The following TMIGD3 variants were observed in gnomAD, a reference collection of about 807,000 sequenced individuals.
The protein encoded by TMIGD3 is transmembrane and immunoglobulin domain containing 3.
In TMIGD3, 21 loss-of-function variants were observed where a neutral mutation model predicts 28.1. The ratio of observed to expected loss-of-function variants is 0.75; its 90% CI spans 0.53 to 1.08. The LOEUF (loss-of-function observed/expected upper bound fraction) is 1.08. TMIGD3 is among the 50% of genes least tolerant of loss of function. The pLI, the probability that TMIGD3 is intolerant of heterozygous loss-of-function variation, is 0.00. For missense variants in TMIGD3, 416 were observed against 435.6 expected, an observed-to-expected ratio of 0.96 and a Z score of 0.40; for synonymous variants, 151 against 162.1, an observed-to-expected ratio of 0.93 and a Z score of 0.52.
intron 1 of TMIGD3, among the ~76,000 whole-genome samples, chr1:111,517,746 CA>C (rs1655914755): frequency 6.6e-6 from 1 of 152,158 alleles, no homozygotes; most frequent in Non-Finnish European, 1.5e-5. Flanking sequence ...GCACCTTGCC[CA>C]ACAACAAAAA....
chr1:111,489,193 A>T (rs1654537002), intron 2 of TMIGD3, among the ~76,000 whole-genome samples, 169 bp from the exon 3 acceptor site: 1 of 151,982 alleles, frequency 6.6e-6, no homozygotes, highest in South Asian at 2.1e-4. Flanking sequence ...CCCCTTCAAA[A>T]CTCATATGTT....
chr1:111,521,005 TCCCACCCCTTCCCA>T (rs1284556638), intron 1 of TMIGD3, among the ~76,000 whole-genome samples: 2 of 91,960 alleles, frequency 2.2e-5, no homozygotes, highest in African/African-American at 9.1e-5. Flanking sequence ...AATCCCTCCC[TCCCACCCCTTCCCA>T]CCCTATCCCC....
Position 111,557,300 on chromosome 1 carries a change from G to A in TMIGD3, c.107+6546C>T, listed in dbSNP as rs148975310. Among the ~76,000 whole-genome samples, 389 of 152,252 alleles carry A rather than the reference G, an allele frequency of 2.6e-3. 8 individuals carry two copies. In the East Asian group the frequency reaches 0.045, roughly 18 times the overall value. The stretch of plus-strand genomic sequence containing the variant: ...GTGGTGGCTCACGCCTGTAATCCTA[G>A]CACTTTGGGAGTCCGAGACAGGCAG... On this transcript the variant is annotated intron_variant, in intron 1 of 5. Transcript: ENST00000369717.
upstream of TMIGD3, among the ~76,000 whole-genome samples, chr1:111,506,577 A>G (rs1337111226): frequency 6.6e-6 from 1 of 152,238 alleles, no homozygotes; most frequent in Non-Finnish European, 1.5e-5. Flanking sequence ...GGCAGCCCTC[A>G]GTAAGTAAAT....
intron 3 of TMIGD3, 46 bp from the exon 4 acceptor site, chr1:111,486,698 G>A: frequency 6.5e-7 from 1 of 1,529,904 alleles, no homozygotes; most frequent in South Asian, 1.1e-5. Flanking sequence ...CCATAGCCAG[G>A]TCCTACCTCT....
Position 111,503,176 on chromosome 1 carries a change from G to A in TMIGD3, c.179C>T (p.Ala60Val). 6.2e-7 allele frequency: 1 copy of A among 1,614,260 alleles called. No homozygotes were observed. The highest frequency in any genetic ancestry group is 8.5e-7 in the Non-Finnish European group (1 of 1,180,038). ...CAAAGGCATGACCAGCACCCCAACA[G>A]CAATGTCAGCCAGGGCTAGAGAGAC... ...FIVSLALADI[A>V]VGVLVMPLAI... Residue 60 changes from alanine to valine, a missense_variant, in exon 1 of 6, where the codon GCT (alanine) becomes GTT (valine). Physicochemically the swap from Ala to Val is moderately conservative, Grantham distance 64. Coordinates refer to ENST00000369716, the MANE Select transcript of TMIGD3 (RefSeq NM_020683.7).
chr1:111,505,124 CAAAAAAAAAAAAAA>C, upstream of TMIGD3: 2 of 95,972 alleles, frequency 2.1e-5, no homozygotes, highest in Non-Finnish European at 3.8e-5. Flanking sequence ...AGCACTCTGC[CAAAAAAAAAAAAAA>C]AAAAAAAAAA....
chr1:111,556,958 T>C (rs1471447134), intron 1 of TMIGD3, among the ~76,000 whole-genome samples: 1 of 151,906 alleles, frequency 6.6e-6, no homozygotes, highest in Non-Finnish European at 1.5e-5. Context: ...TGGGGAAAAA[T>C]AATGGTTGAG....
chr1:111,488,284 G>T (rs989846402), intron 3 of TMIGD3, among the ~76,000 whole-genome samples: 1 of 151,566 alleles, frequency 6.6e-6, no homozygotes, highest in African/African-American at 2.4e-5. Flanking sequence ...GTGCAGTGGC[G>T]CAATCTCGGC....
At chr1:111,487,528 G>A (rs989441045) in intron 3 of TMIGD3, among the ~76,000 whole-genome samples, 3 of 151,814 alleles carry the variant, frequency 2.0e-5, no homozygotes, top group Non-Finnish European at 2.9e-5. Flanking sequence ...AAGGAAGAAA[G>A]AAAGGCTAGC....
intron 1 of TMIGD3, among the ~76,000 whole-genome samples, chr1:111,499,259 C>A (rs1403732554): frequency 6.6e-6 from 1 of 152,050 alleles, no homozygotes; most frequent in African/African-American, 2.4e-5. Context: ...GTTCATAAAG[C>A]TGACAAATGC....
At chr1:111,500,870 C>A in intron 1 of TMIGD3, 1 of 459,578 alleles carries the variant, frequency 2.2e-6, no homozygotes, top group Non-Finnish European at 3.8e-6. Context: ...GTGCTCCACT[C>A]AGGGCTCCAC....
rs1249809691 is a variant in TMIGD3, at chr1:111,542,242, C to A, written c.107+21604G>T. The A allele has an allele frequency of 6.6e-6, 4 of 609,724 alleles. No homozygotes were observed. The Admixed American group carries it at 7.5e-5, about 12-fold the overall frequency. The allele number at this position is 609,724 out of a possible 1,614,324, so 37.8% of individuals were successfully genotyped here. On this transcript the variant is annotated intron_variant, in intron 1 of 5. Coordinates refer to the TMIGD3 transcript ENST00000369717. ...CATCCTTCGCGTACTGACGGAAACA[C>A]TGGCGGCACATATTGAGGCCGTATT...
intron 1 of TMIGD3, among the ~76,000 whole-genome samples, chr1:111,534,738 G>A (rs1365229303): frequency 6.6e-6 from 1 of 152,128 alleles, no homozygotes; most frequent in Non-Finnish European, 1.5e-5. Context: ...AGATTTGTGT[G>A]TGAGTGTGTG....
At chr1:111,556,683 T>G (rs1409053602) in intron 1 of TMIGD3, among the ~76,000 whole-genome samples, 3 of 152,140 alleles carry the variant, frequency 2.0e-5, no homozygotes, top group African/African-American at 7.2e-5. Context: ...TCCATTTATA[T>G]GAGGTACTTA....
At chr1:111,516,217 C>T (rs188801721) in intron 1 of TMIGD3, among the ~76,000 whole-genome samples, 1 of 152,228 alleles carries the variant, frequency 6.6e-6, no homozygotes, top group African/African-American at 2.4e-5. Context: ...GCTCTCAGGG[C>T]ATTTGAGAGA....
At chr1:111,552,790 G>C (rs1363269835) in intron 1 of TMIGD3, among the ~76,000 whole-genome samples, 1 of 152,126 alleles carries the variant, frequency 6.6e-6, no homozygotes, top group African/African-American at 2.4e-5. Context: ...TTATGCCTCA[G>C]TTTTAACATC....
upstream of TMIGD3, chr1:111,503,933 G>C (rs1218561105): frequency 1.0e-6 from 1 of 985,298 alleles, no homozygotes; most frequent in Admixed American, 6.1e-5. Context: ...TGGAAGCACT[G>C]ACTATGCAAT....
chr1:111,489,042 C>T lies in TMIGD3; in HGVS notation c.458-18G>A, dbSNP rs779193483. The T allele has an allele frequency of 3.2e-6, 5 of 1,584,566 alleles. No homozygotes were observed. Among genetic ancestry groups the T allele is most frequent in the Non-Finnish European group, 3.5e-6 (4 of 1,159,092 alleles). On this transcript the variant is annotated intron_variant, in intron 2 of 5. Transcript: ENST00000369716. ...CATGGCATCTGTGAAAACACACACA[C>T]ACACGCACACGTGCACACACACACA...
Sources: allele counts gnomAD v4.1 joint callset (sites outside exome capture counted in the v4.1 genomes callset), GRCh38; gene constraint gnomAD v4.1.1; transcripts MANE v1.5; gene names NCBI Gene and HGNC (gene_info 2026-07-23, HGNC 2026-07-21).